Variants in FAT3 observed in about 807,000 individuals in gnomAD.
FAT3 encodes the protein FAT atypical cadherin 3, also known as protocadherin Fat 3.
Under a neutral mutation model 310.2 loss-of-function variants are expected in FAT3, and 95 were observed. That is an observed-to-expected ratio of 0.31 (90% CI 0.26 to 0.36). The LOEUF (loss-of-function observed/expected upper bound fraction) is 0.36. Ranked by LOEUF, FAT3 falls within the 10% of genes least tolerant of loss-of-function variation. FAT3 has a pLI of 1.00. For missense variants in FAT3, 5,408 were observed against 5,715.6 expected (o/e 0.95, Z 1.74); for synonymous variants, 2,314 against 2,192.9 (o/e 1.06, Z -1.54).
chr11:92,858,673 T>A (rs1949045683), intron 20 of FAT3, among the ~76,000 whole-genome samples: 1 of 152,230 alleles, frequency 6.6e-6, no homozygotes, highest in South Asian at 2.1e-4. Flanking sequence ...GTTATCTTTT[T>A]GCAACATTAG....
rs7106208 is a variant in FAT3, at chr11:92,398,362, A to G, written c.3292+42958A>G. Among the ~76,000 whole-genome samples the G allele has an allele frequency of 6.5e-3, 989 of 152,068 alleles. 17 individuals carry two copies. The highest frequency in any genetic ancestry group is 0.022 in the African/African-American group (914 of 41,488). On this transcript the variant is annotated intron_variant, in intron 2 of 27. Transcript: ENST00000525166. ...CTAAAAGTACAAAAATTAGCCAGGC[A>G]TGGTGGTGCATGCCTGTAATCCCAG...
chr11:92,432,680 C>G (rs905169348), intron 2 of FAT3, among the ~76,000 whole-genome samples: 1 of 152,126 alleles, frequency 6.6e-6, no homozygotes, highest in Non-Finnish European at 1.5e-5. Context: ...CCAGAGCTCT[C>G]CTGTATGAGG....
rs1946534118 is a variant in FAT3, at chr11:92,774,200, A to G, written c.4335+20A>G. On this transcript the variant is annotated intron_variant, in intron 7 of 27. Transcript: ENST00000525166. ...ACTCAGGTGAGATGTTAAATTACTG[A>G]ATAGCAGGAATGCTGAAAGAGCTGC... 6.3e-7 allele frequency: 1 copy of G among 1,591,294 alleles called. No homozygotes were observed. The highest frequency in any genetic ancestry group is 1.3e-5 in the African/African-American group (1 of 74,310).
chr11:92,262,930 C>T (rs1484454913), intron 1 of FAT3, among the ~76,000 whole-genome samples: 2 of 151,338 alleles, frequency 1.3e-5, no homozygotes, highest in East Asian at 1.9e-4. Flanking sequence ...AGGTGGCTAC[C>T]GAAATGTAGG....
intron 11 of FAT3, 87 bp downstream of exon 11, chr11:92,805,436 C>A: frequency 1.4e-6 from 2 of 1,399,020 alleles, no homozygotes; most frequent in Non-Finnish European, 1.9e-6. Context: ...TAAGGCCAGG[C>A]AAACTTCTGC....
Position 92,334,967 on chromosome 11 carries a change from T to C in FAT3, c.-17-17129T>C, listed in dbSNP as rs138029309. Among the ~76,000 whole-genome samples the C allele has an allele frequency of 1.5e-3, 229 of 152,314 alleles. 1 individual carries two copies. The highest frequency in any genetic ancestry group is 5.0e-3 in the African/African-American group (209 of 41,570). ...GAAATTCTTATCCAGAAGGGACTGG[T>C]GTCACCAGGATCTTGATGAGCTCTG... On this transcript the variant is annotated intron_variant, in intron 1 of 27. Coordinates refer to ENST00000525166, the MANE Select transcript of FAT3 (RefSeq NM_001367949.2).
At chr11:92,762,337 T>G (rs1946173519) in intron 5 of FAT3, among the ~76,000 whole-genome samples, 167 bp downstream of exon 5, 1 of 152,196 alleles carries the variant, frequency 6.6e-6, no homozygotes, top group Non-Finnish European at 1.5e-5. Context: ...CTTGCCTGTT[T>G]CATTGATATT....
At chr11:92,481,484 T>G (rs1166939581) in intron 2 of FAT3, among the ~76,000 whole-genome samples, 1 of 152,184 alleles carries the variant, frequency 6.6e-6, no homozygotes, top group Non-Finnish European at 1.5e-5. Flanking sequence ...TAGTTTATTT[T>G]GTGTAGGAAT....
At chr11:92,426,053 C>T (rs1950625256) in intron 2 of FAT3, among the ~76,000 whole-genome samples, 1 of 152,116 alleles carries the variant, frequency 6.6e-6, no homozygotes, top group African/African-American at 2.4e-5. Flanking sequence ...CTGTTGTTTC[C>T]TAACTTTTTA....
At chr11:92,373,326 T>C (rs1949248002) in intron 2 of FAT3, among the ~76,000 whole-genome samples, 1 of 152,154 alleles carries the variant, frequency 6.6e-6, no homozygotes, top group South Asian at 2.1e-4. Flanking sequence ...TTTGTGGGCA[T>C]GGGAACTGAA....
chr11:92,454,842 T>C (rs1403096868), intron 2 of FAT3, among the ~76,000 whole-genome samples: 2 of 152,176 alleles, frequency 1.3e-5, no homozygotes, highest in East Asian at 3.9e-4. Context: ...ACATTTACTT[T>C]TTTTTTCCAC....
intron 19 of FAT3, among the ~76,000 whole-genome samples, chr11:92,847,657 A>G (rs561070784): frequency 9.9e-5 from 15 of 152,150 alleles, no homozygotes; most frequent in Non-Finnish European, 1.8e-4. Flanking sequence ...GATTCTACAC[A>G]TGTAGCCTGG....
chr11:92,837,838 C>T (rs1179045587), intron 17 of FAT3, 32 bp downstream of exon 17: 2 of 1,613,376 alleles, frequency 1.2e-6, no homozygotes, highest in East Asian at 4.5e-5. Context: ...AGCACTTGTC[C>T]CTTTGCATTC....
chr11:92,627,305 G>T (rs991728015), intron 3 of FAT3, among the ~76,000 whole-genome samples: 2 of 152,188 alleles, frequency 1.3e-5, no homozygotes, highest in African/African-American at 2.4e-5. Flanking sequence ...ATAGGTGAAG[G>T]TTCTATCGCA....
chr11:92,307,527 A>G (rs1947172395), intron 1 of FAT3, among the ~76,000 whole-genome samples: 1 of 152,192 alleles, frequency 6.6e-6, no homozygotes, highest in East Asian at 1.9e-4. Context: ...GTCATTGCTT[A>G]GACTTTGCCT....
intron 2 of FAT3, among the ~76,000 whole-genome samples, chr11:92,411,859 G>GCCATATTT (rs1047465218): frequency 1.3e-4 from 20 of 151,820 alleles, no homozygotes; most frequent in Non-Finnish European, 2.5e-4. Flanking sequence ...AATAGCCTTT[G>GCCATATTT]CCATATTTCA....
chr11:92,450,791 G>A (rs900027547), intron 2 of FAT3, among the ~76,000 whole-genome samples: 1 of 152,118 alleles, frequency 6.6e-6, no homozygotes. Flanking sequence ...TATAGATTAT[G>A]TTCTCTTGAT....
chr11:92,610,036 G>A (rs1295897284), intron 3 of FAT3, among the ~76,000 whole-genome samples: 1 of 151,980 alleles, frequency 6.6e-6, no homozygotes, highest in Non-Finnish European at 1.5e-5. Context: ...GATTCCTTTT[G>A]AGTTTTTTTT....
intron 2 of FAT3, among the ~76,000 whole-genome samples, chr11:92,493,795 A>G (rs1425281926): frequency 6.6e-6 from 1 of 152,058 alleles, no homozygotes; most frequent in East Asian, 1.9e-4. Context: ...AGTGGTAACA[A>G]TGCAGCATGA....
Sources: gnomAD v4.1 joint callset for allele counts (sites outside exome capture counted in the v4.1 genomes callset) on GRCh38, gnomAD v4.1.1 for gene constraint, MANE v1.5 for transcripts, NCBI Gene and HGNC (gene_info 2026-07-23, HGNC 2026-07-21) for gene names.